SLC6A3: variants seen among roughly 807,000 people sequenced by gnomAD.
SLC6A3 encodes solute carrier family 6 member 3.
In SLC6A3, 19 loss-of-function variants were observed where a neutral mutation model predicts 70.4. The observed-to-expected ratio is 0.27, with a 90% CI of 0.19 to 0.40. SLC6A3 has a LOEUF of 0.40. SLC6A3 is among the 10% of genes least tolerant of loss of function. The probability of loss-of-function intolerance (pLI) is 1.00; values close to 1 mark genes in which losing one functional copy is unlikely to be tolerated. For synonymous variants in SLC6A3, 368 were observed against 356.6 expected, an observed-to-expected ratio of 1.03 and a Z score of -0.36; for missense variants, 613 against 838.5, an observed-to-expected ratio of 0.73 and a Z score of 3.32.
chr5:1,416,418 T>C, intron 6 of SLC6A3: 1 of 611,130 alleles, frequency 1.6e-6, no homozygotes, highest in Non-Finnish European at 2.9e-6. Context: ...AGCAGGGGGC[T>C]GTCTGTGTTC....
chr5:1,416,635 C>T (rs1756299884), intron 6 of SLC6A3: 1 of 324,152 alleles, frequency 3.1e-6, no homozygotes, highest in Admixed American at 4.3e-5. Flanking sequence ...GACTCACCCA[C>T]ACACAGCATG....
Position 1,396,544 on chromosome 5 carries a change from T to G in SLC6A3, c.1840-1786A>C, listed in dbSNP as rs1048965712. 7.2e-5 allele frequency among the ~76,000 whole-genome samples: 11 copies of G among 152,206 alleles called. 1 individual carries two copies. The South Asian group carries it at 2.3e-3, about 32-fold the overall frequency. On this transcript the variant is annotated intron_variant, in intron 14 of 14. Transcript: ENST00000270349. The surrounding 1 kb of genome is among the most constrained non-coding windows in gnomAD (Gnocchi z 7.0). Reference sequence around the variant, plus strand: ...CGAGGGAAACGGAGGTGGCTGCAGTTTGCAGGCCAGAGCGCCAGAGAGGAG... The same window carrying G: ...CGAGGGAAACGGAGGTGGCTGCAGTGTGCAGGCCAGAGCGCCAGAGAGGAG...
intron 4 of SLC6A3, among the ~76,000 whole-genome samples, chr5:1,423,851 C>T (rs1346197576): frequency 6.6e-6 from 1 of 152,232 alleles, no homozygotes; most frequent in Non-Finnish European, 1.5e-5. Context: ...ACAGAAGCCG[C>T]GTTATGAAAG....
Position 1,414,710 on chromosome 5 carries a change from G to T in SLC6A3, c.1137C>A (p.Ile379=). The change falls in exon 8 of 15, where the codon ATC becomes ATA. Residue 379 remains isoleucine, a synonymous_variant. Transcript: ENST00000270349. ...GYMAQKHSVP[I]GDVAKDGPGL... ...GCTCACCGTCCTTGGCCACGTCCCC[G>T]ATGGGCACACTGTGCTTCTGTGCCA... is the stretch of plus-strand genomic sequence containing the variant. The T allele has an allele frequency of 6.2e-7, 1 of 1,612,560 alleles. No individual in the cohort carries two copies. Among genetic ancestry groups the T allele is most frequent in the Non-Finnish European group, 8.5e-7 (1 of 1,179,796 alleles).
rs1756438885 is a variant in SLC6A3, at chr5:1,421,654, T to G, written c.792+222A>C. Among the ~76,000 whole-genome samples, 1 of 150,546 alleles carries G rather than the reference T, an allele frequency of 6.6e-6. No homozygotes were observed. ...CAAGCCAACCCGGCACAGCCACAGG[T>G]GTACCCTCAATCATGGCCACGTGTA... is the stretch of plus-strand genomic sequence containing the variant. On this transcript the variant is annotated intron_variant, in intron 5 of 14. Transcript: ENST00000270349. The surrounding 1 kb of genome is among the most constrained non-coding windows in gnomAD (Gnocchi z 7.2).
intron 4 of SLC6A3, among the ~76,000 whole-genome samples, chr5:1,424,451 A>G (rs894078027): frequency 1.3e-5 from 2 of 152,110 alleles, no homozygotes; most frequent in Non-Finnish European, 2.9e-5. Context: ...TGCAGCCCGG[A>G]CCACTCCTCC....
rs576122531 is a variant in SLC6A3, at chr5:1,408,998, C to A, written c.1498+28G>T. On this transcript the variant is annotated intron_variant, in intron 11 of 14. Transcript: ENST00000270349. This position sits in a 1 kb window ranked among gnomAD's most constrained non-coding sequence, Gnocchi z 6.4. ...GCACAGCCACCAAACAAGAGGGTGCCGGCTTGGCTGCCTTCCCCCGGACTC... is the reference window on the plus strand; with the variant it reads ...GCACAGCCACCAAACAAGAGGGTGCAGGCTTGGCTGCCTTCCCCCGGACTC... The A allele has an allele frequency of 3.3e-6, 5 of 1,508,968 alleles. No homozygotes were observed. The highest frequency in any genetic ancestry group is 9.2e-7 in the Non-Finnish European group (1 of 1,086,246). The allele number at this position is 1,508,968 out of a possible 1,614,324, so 93.5% of individuals were successfully genotyped here. A position where few individuals can be genotyped will look rare whatever the true frequency, so the allele number is the denominator to read the frequency against.
At position 1,413,750 on chromosome 5, in the gene SLC6A3, A is replaced by G. The variant is rs1474440778; in HGVS notation, c.1156+941T>C. Among the ~76,000 whole-genome samples the G allele has an allele frequency of 6.6e-6, 1 of 151,904 alleles. No individual in the cohort carries two copies. Among genetic ancestry groups the G allele is most frequent in the Non-Finnish European group, 1.5e-5 (1 of 67,942 alleles). On this transcript the variant is annotated intron_variant, in intron 8 of 14. Transcript: ENST00000270349. The surrounding 1 kb of genome is among the most constrained non-coding windows in gnomAD (Gnocchi z 7.1). ...AGGCAGGCGGGGGCTCTGCTGGCTGACAGAGACCGAGAAGCCTTGGGACTC... is the reference window on the plus strand; with the variant it reads ...AGGCAGGCGGGGGCTCTGCTGGCTGGCAGAGACCGAGAAGCCTTGGGACTC...
intron 4 of SLC6A3, among the ~76,000 whole-genome samples, chr5:1,432,070 G>A (rs1013057003): frequency 4.6e-5 from 7 of 152,142 alleles, no homozygotes; most frequent in Non-Finnish European, 8.8e-5. Flanking sequence ...AGGAAGGGTA[G>A]GGAGGAAGGG....
chr5:1,421,821 T>C lies in SLC6A3; in HGVS notation c.792+55A>G, dbSNP rs987220454. The C allele has an allele frequency of 4.9e-5, 78 of 1,597,856 alleles. No homozygotes were observed. Among genetic ancestry groups the C allele is most frequent in the Non-Finnish European group, 6.3e-5 (74 of 1,167,142 alleles). On this transcript the variant is annotated intron_variant, in intron 5 of 14. Transcript: ENST00000270349. The surrounding 1 kb of genome is among the most constrained non-coding windows in gnomAD (Gnocchi z 7.2). ...CACCTCCTGTCCAGCCACGGCCACA[T>C]GTCCACTTGGTGGCCCCATGTCTAC...
chr5:1,399,856 G>C (rs756713776), intron 14 of SLC6A3, among the ~76,000 whole-genome samples: 4 of 152,180 alleles, frequency 2.6e-5, no homozygotes, highest in African/African-American at 9.7e-5. Context: ...CCTGCTCAGC[G>C]TCTTGTTCTG....
chr5:1,415,267 A>C (rs1560913766), intron 7 of SLC6A3, among the ~76,000 whole-genome samples: 1 of 152,064 alleles, frequency 6.6e-6, no homozygotes, highest in African/African-American at 2.4e-5. Flanking sequence ...AGGGCTGAGA[A>C]ACCAGAGAGC....
In SLC6A3 at chr5:1,406,385, C is replaced by T. The variant is rs370052056; in HGVS notation, c.1499-97G>A. 8.6e-6 allele frequency: 9 copies of T among 1,050,796 alleles called. No homozygotes were observed. The highest frequency in any genetic ancestry group is 1.2e-5 in the Non-Finnish European group (8 of 671,762). 65.1% of individuals were successfully genotyped at this position (1,050,796 alleles called of 1,614,324 possible). A position where few individuals can be genotyped will look rare whatever the true frequency, so the allele number is the denominator to read the frequency against. ...TCCTCGCTGACTCCCAAGGGCCCCA[C>T]CTACCGGCCCCAGGCTTCGGCTGCA... is the stretch of plus-strand genomic sequence containing the variant. On this transcript the variant is annotated intron_variant, in intron 11 of 14. Coordinates refer to ENST00000270349, the MANE Select transcript of SLC6A3 (RefSeq NM_001044.5). The surrounding 1 kb of genome is among the most constrained non-coding windows in gnomAD (Gnocchi z 8.8).
chr5:1,406,084 C>T lies in SLC6A3; in HGVS notation c.1599+104G>A. 2.4e-6 allele frequency: 2 copies of T among 830,176 alleles called. No individual in the cohort carries two copies. The highest frequency in any genetic ancestry group is 4.2e-6 in the Non-Finnish European group (2 of 474,372). 51.4% of individuals were successfully genotyped at this position (830,176 alleles called of 1,614,324 possible). A position where few individuals can be genotyped will look rare whatever the true frequency, so the allele number is the denominator to read the frequency against. On this transcript the variant is annotated intron_variant, in intron 12 of 14. Coordinates refer to ENST00000270349, the MANE Select transcript of SLC6A3 (RefSeq NM_001044.5). The surrounding 1 kb of genome is among the most constrained non-coding windows in gnomAD (Gnocchi z 8.8). The stretch of plus-strand genomic sequence containing the variant: ...GGCCGAGTCTTGAGGCCCCTGACTC[C>T]AGCCACAGTGACAACCCACATGCGG...
intron 3 of SLC6A3, among the ~76,000 whole-genome samples, chr5:1,440,523 G>A (rs1282451077): frequency 1.3e-5 from 2 of 152,180 alleles, no homozygotes; most frequent in East Asian, 1.9e-4. Flanking sequence ...AGAATTGTGG[G>A]ATGTGTCCCT....
Position 1,437,262 on chromosome 5 carries a change from A to AAAAG in SLC6A3, c.418+4096_418+4097insCTTT, listed in dbSNP as rs1553988944. On this transcript the variant is annotated intron_variant, in intron 3 of 14. Transcript: ENST00000270349. The surrounding 1 kb of genome is among the most constrained non-coding windows in gnomAD (Gnocchi z 4.8). ...GAGATTCCGTCTCACAAAAAAAAAAAAAAAGAAAAGAAAAGAAAAGAAAGA... is the reference window on the plus strand; with the variant it reads ...GAGATTCCGTCTCACAAAAAAAAAAAAAAGAAAAGAAAAGAAAAGAAAAGAAAGA... Among the ~76,000 whole-genome samples, 3 of 151,790 alleles carry AAAAG rather than the reference A, an allele frequency of 2.0e-5. No individual in the cohort carries two copies. Among genetic ancestry groups the AAAAG allele is most frequent in the Middle Eastern group, 3.4e-3 (1 of 294 alleles).
At chr5:1,434,716 G>A (rs529156157) in intron 3 of SLC6A3, among the ~76,000 whole-genome samples, 16 of 152,318 alleles carry the variant, frequency 1.1e-4, no homozygotes, top group African/African-American at 2.6e-4. Flanking sequence ...GCACCATGCC[G>A]TCTTGCCTGT....
At chr5:1,410,413 C>T (rs921208753) in intron 9 of SLC6A3, among the ~76,000 whole-genome samples, 8 of 152,084 alleles carry the variant, frequency 5.3e-5, no homozygotes, top group Admixed American at 1.3e-4. Context: ...GAGCCGTGGA[C>T]GAGGTGGATA....
chr5:1,430,734 G>C (rs1397889778), intron 4 of SLC6A3, among the ~76,000 whole-genome samples: 1 of 151,158 alleles, frequency 6.6e-6, no homozygotes, highest in Non-Finnish European at 1.5e-5. Context: ...TGCCCTTGCA[G>C]ACCAAGACCA....
Sources: allele counts gnomAD v4.1 joint callset (sites outside exome capture counted in the v4.1 genomes callset), GRCh38; gene constraint gnomAD v4.1.1; non-coding constraint Gnocchi (gnomAD v3.1); transcripts MANE v1.5; gene names NCBI Gene and HGNC (gene_info 2026-07-23, HGNC 2026-07-21).